Variants in BCR observed in about 807,000 individuals in gnomAD.
BCR encodes breakpoint cluster region protein.
BCR carries 58 observed loss-of-function variants against 138.6 expected under a neutral mutation model. The observed-to-expected ratio is 0.42, with a 90% CI of 0.34 to 0.52. BCR has a LOEUF of 0.52. Among genes scored for constraint, BCR ranks in the 20% least tolerant of loss-of-function variants. BCR has a pLI of 0.06. For synonymous variants in BCR, 786 were observed against 730.1 expected (o/e 1.08, Z -1.23); for missense variants, 1,599 against 1,727.2 (o/e 0.93, Z 1.32).
intron 1 of BCR, among the ~76,000 whole-genome samples, chr22:23,253,213 A>G (rs1263125665): frequency 6.6e-6 from 1 of 152,158 alleles, no homozygotes; most frequent in Non-Finnish European, 1.5e-5. Context: ...GCACTGCCAC[A>G]TTTTCAGCAA....
chr22:23,199,240 ACTCTT>A (rs747773395), intron 1 of BCR: 7 of 514,130 alleles, frequency 1.4e-5, no homozygotes, highest in Admixed American at 3.9e-5. Context: ...GCTCCAGAAG[ACTCTT>A]CTCTTCTCTG....
chr22:23,292,745 G>C, intron 15 of BCR, 107 bp downstream of exon 15: 1 of 908,278 alleles, frequency 1.1e-6, no homozygotes, highest in African/African-American at 1.7e-5. Flanking sequence ...TTCCCCCGAA[G>C]GCAGTGCTGC....
At chr22:23,302,591 C>G (rs968499446) in intron 16 of BCR, 1 of 152,302 alleles carries the variant, frequency 6.6e-6, no homozygotes. Context: ...AGCCCAGATT[C>G]AAAAAGGCTG....
rs568780163 is a variant in BCR, at chr22:23,293,770, C to G, written c.2880+1132C>G. On this transcript the variant is annotated intron_variant, in intron 15 of 22. Coordinates refer to ENST00000305877, the MANE Select transcript of BCR (RefSeq NM_004327.4). ...CCCTCACTGTCCATGAAGATCTGGA[C>G]TTGGGGACACTCACATGTTCCTGGC... Among the ~76,000 whole-genome samples, 912 of 152,244 alleles carry G rather than the reference C, an allele frequency of 6.0e-3. 9 individuals are homozygous for G. Among genetic ancestry groups the G allele is most frequent in the African/African-American group, 0.02 (821 of 41,536 alleles).
At chr22:23,192,172 T>TG (rs1374632393) in intron 1 of BCR, among the ~76,000 whole-genome samples, 1 of 152,162 alleles carries the variant, frequency 6.6e-6, no homozygotes, top group Non-Finnish European at 1.5e-5. Context: ...CCTCGAAAGT[T>TG]TCTTGTAAAG....
intron 1 of BCR, among the ~76,000 whole-genome samples, chr22:23,219,742 C>G (rs1472716544): frequency 6.6e-6 from 1 of 152,200 alleles, no homozygotes; most frequent in East Asian, 1.9e-4. Context: ...GAATGTCCCC[C>G]ACAATGTCTC....
At chr22:23,198,860 C>T (rs1167743475) in intron 1 of BCR, among the ~76,000 whole-genome samples, 1 of 152,132 alleles carries the variant, frequency 6.6e-6, no homozygotes, top group Non-Finnish European at 1.5e-5. Flanking sequence ...TAGGTCACAC[C>T]TGTAATCCCA....
At chr22:23,192,093 C>G (rs1162035421) in intron 1 of BCR, among the ~76,000 whole-genome samples, 1 of 152,208 alleles carries the variant, frequency 6.6e-6, no homozygotes, top group African/African-American at 2.4e-5. Context: ...CTTCCTGGGG[C>G]TGGGGTGTGA....
At position 23,315,447 on chromosome 22, in the gene BCR, G is replaced by C; in HGVS notation, c.3741G>C (p.Leu1247=). The C allele has an allele frequency of 6.2e-7, 1 of 1,613,644 alleles. No individual in the cohort carries two copies. The highest frequency in any genetic ancestry group is 8.5e-7 in the Non-Finnish European group (1 of 1,180,000). Residue 1247 remains leucine, a synonymous_variant, in exon 23 of 23, where the codon CTG becomes CTC. Coordinates refer to ENST00000305877, the MANE Select transcript of BCR (RefSeq NM_004327.4). ...TGCCCGGGCAGGTCCAGGTGCTGCTGTACTTCCTGCAGCTGGAGGCCATCC... is the reference window on the plus strand; with the variant it reads ...TGCCCGGGCAGGTCCAGGTGCTGCTCTACTTCCTGCAGCTGGAGGCCATCC... The part of the protein sequence containing the change: ...LEVMSQVQVL[L]YFLQLEAIPA...
intron 1 of BCR, among the ~76,000 whole-genome samples, chr22:23,183,108 A>G (rs1047606342): frequency 3.3e-5 from 5 of 152,332 alleles, no homozygotes; most frequent in Middle Eastern, 3.4e-3. Flanking sequence ...TTCTAGCACT[A>G]AGATTAAAAC....
chr22:23,263,781 G>A, intron 4 of BCR: 3 of 1,418,534 alleles, frequency 2.1e-6, no homozygotes, highest in East Asian at 2.3e-5. Context: ...TGGCTCCAGG[G>A]ACAGGACGGC....
At chr22:23,199,193 C>T (rs1205474853) in intron 1 of BCR, 1 of 469,678 alleles carries the variant, frequency 2.1e-6, no homozygotes, top group Non-Finnish European at 4.2e-6. Flanking sequence ...GGTTTCCTCT[C>T]TCATGGCATT....
At chr22:23,259,851 G>T (rs1423065623) in intron 2 of BCR, among the ~76,000 whole-genome samples, 4 of 152,170 alleles carry the variant, frequency 2.6e-5, no homozygotes, top group Non-Finnish European at 5.9e-5. Flanking sequence ...AGCAGAGCGA[G>T]GTGGTGGGTG....
intron 7 of BCR, 36 bp from the exon 8 acceptor site, chr22:23,273,598 C>T (rs767139243): frequency 1.2e-6 from 2 of 1,611,626 alleles, no homozygotes; most frequent in African/African-American, 2.7e-5. Context: ...GCCAGTGCTC[C>T]TCTGTGTCTA....
At chr22:23,288,696 C>G (rs2073747126) in intron 12 of BCR, among the ~76,000 whole-genome samples, 1 of 152,238 alleles carries the variant, frequency 6.6e-6, no homozygotes, top group African/African-American at 2.4e-5. Context: ...CCCCACTGCC[C>G]TGTTCATATG....
chr22:23,198,292 C>T lies in BCR; in HGVS notation c.1279+16053C>T, dbSNP rs752989446. On this transcript the variant is annotated intron_variant, in intron 1 of 22. Transcript: ENST00000305877. ...TGTCCACCGTCGGCCTGCTCTGTTC[C>T]GGGGCAGGGCCACATCTTTGTCCGT... is the stretch of plus-strand genomic sequence containing the variant. 5.9e-5 allele frequency: 26 copies of T among 444,000 alleles called. 1 individual carries two copies. Among genetic ancestry groups the T allele is most frequent in the South Asian group, 3.1e-4 (19 of 62,220 alleles). 27.5% of individuals were successfully genotyped at this position (444,000 alleles called of 1,614,324 possible).
intron 1 of BCR, among the ~76,000 whole-genome samples, chr22:23,252,677 C>T (rs1478006875): frequency 6.6e-6 from 1 of 152,004 alleles, no homozygotes; most frequent in Non-Finnish European, 1.5e-5. Flanking sequence ...GTGATCCACC[C>T]ACCTCGGCCT....
Position 23,268,795 on chromosome 22 carries a change from G to A in BCR, c.1860+280G>A, listed in dbSNP as rs371813008. The stretch of plus-strand genomic sequence containing the variant: ...CTTTGCACTGTCTGTCTGCAGTGAG[G>A]GGTGTCTGTAGTTCTGCCTGTGAGC... On this transcript the variant is annotated intron_variant, in intron 5 of 22. Transcript: ENST00000305877. Among the ~76,000 whole-genome samples, 19 of 152,320 alleles carry A rather than the reference G, an allele frequency of 1.2e-4. No individual in the cohort carries two copies. In the East Asian group the frequency reaches 2.5e-3, roughly 20 times the overall value.
chr22:23,216,653 A>G (rs1413623731), intron 1 of BCR, among the ~76,000 whole-genome samples: 2 of 152,250 alleles, frequency 1.3e-5, no homozygotes, highest in Non-Finnish European at 2.9e-5. Flanking sequence ...TCGCAGTGCC[A>G]TCTGGCTTGG....
Sources: allele counts gnomAD v4.1 joint callset (sites outside exome capture counted in the v4.1 genomes callset), GRCh38; gene constraint gnomAD v4.1.1; transcripts MANE v1.5; gene names NCBI Gene and HGNC (gene_info 2026-07-23, HGNC 2026-07-21).